SAMD12: variants seen among roughly 807,000 people sequenced by gnomAD.
The protein encoded by SAMD12 is sterile alpha motif domain-containing protein 12.
In SAMD12, 9 loss-of-function variants were observed where a neutral mutation model predicts 15.0. The ratio of observed to expected loss-of-function variants is 0.60; its 90% CI spans 0.36 to 1.05. The LOEUF is 1.05. SAMD12 is among the 50% of genes least tolerant of loss of function. The pLI is 0.01. For missense variants in SAMD12, 230 were observed against 234.2 expected, an observed-to-expected ratio of 0.98 and a Z score of 0.12; for synonymous variants, 86 against 90.1, an observed-to-expected ratio of 0.96 and a Z score of 0.25.
chr8:118,386,925 C>G (rs1042308450), intron 3 of SAMD12, among the ~76,000 whole-genome samples: 1 of 152,202 alleles, frequency 6.6e-6, no homozygotes, highest in Non-Finnish European at 1.5e-5. Flanking sequence ...GGGGGTGCCA[C>G]TTTTCCCAGA....
At position 118,378,330 on chromosome 8, in the gene SAMD12, T is replaced by A. The variant is rs1429452374; in HGVS notation, c.*1087A>T. ...GACTTTCTTATCATAATCTTCGTATTTCTATCTACTTCTTAAAAGAAGCTT... is the reference window on the plus strand; with the variant it reads ...GACTTTCTTATCATAATCTTCGTATATCTATCTACTTCTTAAAAGAAGCTT... On this transcript the variant is annotated 3_prime_UTR_variant, in exon 4 of 4. Transcript: ENST00000314727. 6.8e-6 allele frequency: 6 copies of A among 888,016 alleles called. No homozygotes were observed. The African/African-American group carries it at 1.1e-4, about 16-fold the overall frequency. The allele number at this position is 888,016 out of a possible 1,614,324, so 55.0% of individuals were successfully genotyped here.
chr8:118,204,006 T>C (rs1352088937), intron 4 of SAMD12, among the ~76,000 whole-genome samples: 3 of 151,980 alleles, frequency 2.0e-5, no homozygotes, highest in African/African-American at 7.3e-5. Context: ...CCAACATAAG[T>C]GTGCCTCGTG....
the SAMD12 span, among the ~76,000 whole-genome samples, chr8:118,180,347 A>T: frequency 6.6e-6 from 1 of 152,274 alleles, no homozygotes; most frequent in African/African-American, 2.4e-5. Context: ...AAGGTTTGGG[A>T]TTATAGAAAT....
chr8:118,452,177 A>G (rs904984589), intron 2 of SAMD12, among the ~76,000 whole-genome samples: 5 of 152,122 alleles, frequency 3.3e-5, no homozygotes, highest in African/African-American at 1.2e-4. Flanking sequence ...ATGATCTCAG[A>G]CTGCCAGACA....
At chr8:118,318,369 GGA>G (rs1816056329) in intron 4 of SAMD12, among the ~76,000 whole-genome samples, 1 of 126,002 alleles carries the variant, frequency 7.9e-6, no homozygotes, top group Non-Finnish European at 1.7e-5. Flanking sequence ...TATATACCAT[GGA>G]ACACTACTTG....
chr8:118,584,062 A>C (rs1205198215), intron 1 of SAMD12, among the ~76,000 whole-genome samples: 1 of 152,164 alleles, frequency 6.6e-6, no homozygotes. Flanking sequence ...TCTGCTAGTA[A>C]ATACTTGGCA....
intron 3 of SAMD12, among the ~76,000 whole-genome samples, chr8:118,397,406 C>T (rs1334436138): frequency 6.6e-6 from 1 of 152,132 alleles, no homozygotes; most frequent in Non-Finnish European, 1.5e-5. Flanking sequence ...AACTGGTTGT[C>T]TGTTGAGTGC....
intron 1 of SAMD12, among the ~76,000 whole-genome samples, chr8:118,585,800 T>C (rs1394672969): frequency 2.0e-5 from 3 of 152,180 alleles, no homozygotes; most frequent in Admixed American, 1.3e-4. Context: ...AGGGATGCCA[T>C]TCTCATGTGA....
chr8:118,590,570 T>C (rs966815767), intron 1 of SAMD12, among the ~76,000 whole-genome samples: 2 of 152,238 alleles, frequency 1.3e-5, no homozygotes, highest in Non-Finnish European at 2.9e-5. Context: ...AGGTATCAAC[T>C]GAGATTGAGC....
chr8:118,441,905 A>G (rs1351725628), intron 2 of SAMD12, among the ~76,000 whole-genome samples: 1 of 152,192 alleles, frequency 6.6e-6, no homozygotes, highest in African/African-American at 2.4e-5. Flanking sequence ...ACATGGAGAG[A>G]CCATGTGTAG....
At chr8:118,486,197 G>A (rs2515016) in intron 2 of SAMD12, among the ~76,000 whole-genome samples, 113,869 of 151,954 alleles carry the variant, frequency 0.75, 43,827 homozygotes, top group African/African-American at 0.93. Flanking sequence ...GGCAGATCAC[G>A]AGGTCAGGAG....
At chr8:118,553,055 T>G (rs1197176064) in intron 2 of SAMD12, among the ~76,000 whole-genome samples, 4 of 152,026 alleles carry the variant, frequency 2.6e-5, no homozygotes, top group African/African-American at 7.3e-5. Flanking sequence ...TGGAAGAACA[T>G]TCCATGCTCA....
chr8:118,374,833 T>C (rs75959942), downstream of SAMD12, among the ~76,000 whole-genome samples: 9 of 151,086 alleles, frequency 6.0e-5, no homozygotes, highest in East Asian at 3.9e-4. Flanking sequence ...TGTTTTTTTT[T>C]CCCCTTGTGT....
At chr8:118,617,737 C>T (rs1301746426) in intron 1 of SAMD12, among the ~76,000 whole-genome samples, 1 of 151,964 alleles carries the variant, frequency 6.6e-6, no homozygotes, top group Non-Finnish European at 1.5e-5. Flanking sequence ...GAGACTCGTG[C>T]ATTTATATGT....
the SAMD12 span, among the ~76,000 whole-genome samples, chr8:118,153,389 G>A: frequency 7.0e-6 from 1 of 143,640 alleles, no homozygotes; most frequent in Non-Finnish European, 1.5e-5. Context: ...CATTGGTCAA[G>A]CTCAAAGTCA....
intron 3 of SAMD12, among the ~76,000 whole-genome samples, chr8:118,426,606 T>C (rs1161216470): frequency 1.3e-5 from 2 of 152,192 alleles, no homozygotes; most frequent in African/African-American, 2.4e-5. Flanking sequence ...ATGAAACAAA[T>C]AGTTCATCTG....
chr8:118,149,011 G>C, the SAMD12 span, among the ~76,000 whole-genome samples: 1 of 152,218 alleles, frequency 6.6e-6, no homozygotes, highest in Non-Finnish European at 1.5e-5. Flanking sequence ...AAATCTTTGT[G>C]TGGACATACA....
chr8:118,379,590 C>A lies in SAMD12; in HGVS notation c.433G>T (p.Glu145Ter). 1 of 1,613,966 alleles carries A rather than the reference C, an allele frequency of 6.2e-7. No homozygotes were observed. The highest frequency in any genetic ancestry group is 8.5e-7 in the Non-Finnish European group (1 of 1,179,904). ...QQVLQLKVREEVRNLQLLTQG... is the reference protein window; with the variant it reads ...QQVLQLKVRE ...GTGAGTAACTGTAGATTTCTGACTTCTTCTCGCACCTTCAGCTGGAGCACC... is the reference window on the plus strand; with the variant it reads ...GTGAGTAACTGTAGATTTCTGACTTATTCTCGCACCTTCAGCTGGAGCACC... Residue 145 changes from glutamate (E) to a stop codon, truncating the protein, a stop_gained, in exon 4 of 4, where the codon GAA becomes TAA. Transcript: ENST00000314727. LOFTEE classifies it low-confidence loss of function (END_TRUNC).
chr8:118,333,358 C>T (rs1816893706), intron 4 of SAMD12, among the ~76,000 whole-genome samples: 1 of 152,154 alleles, frequency 6.6e-6, no homozygotes, highest in Non-Finnish European at 1.5e-5. Context: ...TCATCTACTT[C>T]CTACACCAAG....
Sources: allele counts gnomAD v4.1 joint callset (sites outside exome capture counted in the v4.1 genomes callset), GRCh38; gene constraint gnomAD v4.1.1; transcripts MANE v1.5; gene names NCBI Gene and HGNC (gene_info 2026-07-23, HGNC 2026-07-21).